The following SLC16A4 variants were observed in gnomAD, a reference collection of about 807,000 sequenced individuals.
SLC16A4 encodes solute carrier family 16 member 4.
In SLC16A4, 39 loss-of-function variants were observed where a neutral mutation model predicts 47.9. That is an observed-to-expected ratio of 0.81 (90% CI 0.63 to 1.06). SLC16A4 has a LOEUF of 1.06. SLC16A4 is among the 50% of genes least tolerant of loss of function. SLC16A4 has a pLI of 0.00. For missense variants in SLC16A4, 524 were observed against 573.8 expected (o/e 0.91, Z 0.89); for synonymous variants, 189 against 199.9 (o/e 0.95, Z 0.46).
At chr1:110,367,736 G>A (rs1661467810) in intron 8 of SLC16A4, among the ~76,000 whole-genome samples, 2 of 152,000 alleles carry the variant, frequency 1.3e-5, no homozygotes, top group Admixed American at 6.6e-5. Flanking sequence ...GAGAACGAGT[G>A]TCTGATTTTA....
At chr1:110,373,872 T>TCAC (rs200473298) in intron 8 of SLC16A4, among the ~76,000 whole-genome samples, 1,646 of 151,786 alleles carry the variant, frequency 0.011, 107 homozygotes, top group Admixed American at 0.099. Context: ...AGATGGTGCC[T>TCAC]CACTATCTTG....
At chr1:110,389,138 A>G in intron 2 of SLC16A4, 99 bp downstream of exon 2, 1 of 1,081,046 alleles carries the variant, frequency 9.3e-7, no homozygotes. Flanking sequence ...TCAGATGCCA[A>G]AGATTTCCTA....
chr1:110,371,099 A>G (rs1168887370), intron 8 of SLC16A4: 1 of 152,210 alleles, frequency 6.6e-6, no homozygotes, highest in African/African-American at 2.4e-5. Context: ...TAACAGTACT[A>G]TGCTAGTGAT....
At chr1:110,383,816 T>TGTTTG (rs55857699) in intron 2 of SLC16A4, among the ~76,000 whole-genome samples, 1 of 109,206 alleles carries the variant, frequency 9.2e-6, no homozygotes, top group Non-Finnish European at 1.8e-5. Context: ...TTTTTTTTTT[T>TGTTTG]TTTTTTTTTT....
rs866048358 is a variant in SLC16A4, at chr1:110,379,226, A to C, written c.657T>G (p.Gly219=). 8 of 1,614,174 alleles carry C rather than the reference A, an allele frequency of 5.0e-6. No individual in the cohort carries two copies. In the Middle Eastern group the frequency reaches 9.9e-4, roughly 200 times the overall value. ...KDKGSSLSAH[G]PEAHATETHC... is the part of the protein sequence containing the mutation. ...GTGTTTCTGTTGCATGTGCCTCTGGACCATGTGCAGACAAACTGCTGCCTT... is the reference window on the plus strand; with the variant it reads ...GTGTTTCTGTTGCATGTGCCTCTGGCCCATGTGCAGACAAACTGCTGCCTT... The change falls in exon 6 of 9, where the codon GGT becomes GGG. Residue 219 remains glycine (G), a synonymous_variant. Transcript: ENST00000369779.
chr1:110,389,108 G>T, intron 2 of SLC16A4, 129 bp downstream of exon 2: 1 of 850,022 alleles, frequency 1.2e-6, no homozygotes, highest in Non-Finnish European at 2.0e-6. Context: ...TCCTGGCCTT[G>T]TTCCTGCCCA....
intron 8 of SLC16A4, among the ~76,000 whole-genome samples, chr1:110,373,877 A>G (rs978575166): frequency 6.6e-6 from 1 of 151,560 alleles, no homozygotes; most frequent in African/African-American, 2.4e-5. Flanking sequence ...GTGCCTCACT[A>G]TCTTGTCCAG....
At position 110,381,662 on chromosome 1, in the gene SLC16A4, T is replaced by A. The variant is rs1159634966; in HGVS notation, c.354A>T (p.Gly118=). 6.2e-7 allele frequency: 1 copy of A among 1,611,416 alleles called. No homozygotes were observed. The highest frequency in any genetic ancestry group is 1.1e-5 in the South Asian group (1 of 90,500). The change falls in exon 4 of 9, where the codon GGA becomes GGT. Residue 118 remains glycine (G), a synonymous_variant. Transcript: ENST00000369779. Reference sequence around the variant, plus strand: ...TTACAATGGACTCACCGGGTAGAAGTCCCATAGTCACACAAAGAAAAGGAA... The same window carrying A: ...TTACAATGGACTCACCGGGTAGAAGACCCATAGTCACACAAAGAAAAGGAA... ...TSIPFLCVTM[G]LLPGLGSAFL... is the part of the protein sequence containing the mutation.
Position 110,389,255 on chromosome 1 carries a change from A to T in SLC16A4, c.69T>A (p.Ile23=). Residue 23 remains isoleucine, a synonymous_variant, in exon 2 of 9, where the codon ATT becomes ATA. Coordinates refer to ENST00000369779, the MANE Select transcript of SLC16A4 (RefSeq NM_004696.3). ...TTCTTACCAGGAAAAAATGAATCAC[A>T]ATCATCCATCCCCATCCTCCATCCA... ...KTLDGGWGWM[I]VIHFFLVNVF... The T allele has an allele frequency of 1.9e-6, 3 of 1,613,960 alleles. No individual in the cohort carries two copies. Among genetic ancestry groups the T allele is most frequent in the East Asian group, 2.2e-5 (1 of 44,880 alleles).
In SLC16A4 at chr1:110,383,805, G is replaced by GTTTTTTT. The variant is rs71096348; in HGVS notation, c.88-846_88-840dup. 8.1e-4 allele frequency among the ~76,000 whole-genome samples: 53 copies of GTTTTTTT among 65,758 alleles called. 1 individual carries two copies. The East Asian group carries it at 0.013, about 16-fold the overall frequency. The allele number at this position is 65,758 out of a possible 152,430, so 43.1% of individuals were successfully genotyped here. A position where few individuals can be genotyped will look rare whatever the true frequency, so the allele number is the denominator to read the frequency against. On this transcript the variant is annotated intron_variant, in intron 2 of 8. Transcript: ENST00000369779. ...TTTTGGAAAGGGCTGTTAAAAGGAG[G>GTTTTTTT]TTTTTTTTTTTTTTTTTTTTTTTTT...
chr1:110,384,463 G>A (rs1044088390), intron 2 of SLC16A4, among the ~76,000 whole-genome samples: 1 of 152,234 alleles, frequency 6.6e-6, no homozygotes, highest in Non-Finnish European at 1.5e-5. Flanking sequence ...CTGCTTTGGA[G>A]ATGAGGTTTT....
chr1:110,388,857 C>G (rs1439685069), intron 2 of SLC16A4, among the ~76,000 whole-genome samples: 21 of 152,192 alleles, frequency 1.4e-4, no homozygotes, highest in Admixed American at 1.3e-3. Flanking sequence ...ACTACAGGTG[C>G]ATGCCACTGC....
intron 2 of SLC16A4, among the ~76,000 whole-genome samples, chr1:110,387,765 C>T (rs189618935): frequency 6.5e-5 from 4 of 61,300 alleles, no homozygotes; most frequent in African/African-American, 2.7e-4. Context: ...GGTGGCCCAG[C>T]CCCAGGAAGG....
intron 2 of SLC16A4, among the ~76,000 whole-genome samples, chr1:110,384,651 A>G (rs1041242045): frequency 2.6e-5 from 4 of 152,210 alleles, no homozygotes; most frequent in Non-Finnish European, 5.9e-5. Flanking sequence ...CTCTGTCTCC[A>G]GGGGTTTCGT....
chr1:110,375,073 AC>A (rs1422533033), intron 8 of SLC16A4: 2 of 161,560 alleles, frequency 1.2e-5, no homozygotes, highest in East Asian at 3.4e-4. Context: ...CTCAAGTGAT[AC>A]CCCCGCCTTG....
At chr1:110,376,842 GA>G (rs1662031909) in intron 7 of SLC16A4, 107 bp downstream of exon 7, 1 of 945,450 alleles carries the variant, frequency 1.1e-6, no homozygotes, top group African/African-American at 1.7e-5. Flanking sequence ...TCTTTGAAAT[GA>G]TTTTTTAAGT....
At chr1:110,380,192 G>A (rs12126890) in intron 5 of SLC16A4, among the ~76,000 whole-genome samples, 122,655 of 152,018 alleles carry the variant, frequency 0.81, 49,872 homozygotes, top group African/African-American at 0.91. Flanking sequence ...TGCATTCAGC[G>A]TGTCCTGATC....
intron 3 of SLC16A4, among the ~76,000 whole-genome samples, 197 bp from the exon 4 acceptor site, chr1:110,381,992 A>C (rs147515003): frequency 0.014 from 2,147 of 152,152 alleles, 30 homozygotes; most frequent in Non-Finnish European, 0.019. Context: ...TTGGAAGGGG[A>C]GTTTAAAAGG....
intron 8 of SLC16A4, among the ~76,000 whole-genome samples, chr1:110,369,434 AC>A (rs1040230681): frequency 1.9e-4 from 29 of 152,102 alleles, no homozygotes; most frequent in African/African-American, 6.7e-4. Flanking sequence ...TCCCATCTCT[AC>A]TAAAAATAGA....
Sources: gnomAD v4.1 joint callset for allele counts (sites outside exome capture counted in the v4.1 genomes callset) on GRCh38, gnomAD v4.1.1 for gene constraint, MANE v1.5 for transcripts, NCBI Gene and HGNC (gene_info 2026-07-23, HGNC 2026-07-21) for gene names.